Variants in TIMP3 observed in about 807,000 individuals in gnomAD.
TIMP3 encodes the protein metalloproteinase inhibitor 3.
In TIMP3, 11 loss-of-function variants were observed where a neutral mutation model predicts 30.0. That is an observed-to-expected ratio of 0.37 (90% confidence interval 0.23 to 0.61). The LOEUF (loss-of-function observed/expected upper bound fraction) is 0.61, where lower values mean the gene tolerates loss of function less well. Among genes scored for constraint, TIMP3 ranks in the 20% least tolerant of loss-of-function variants. TIMP3 has a pLI of 0.70. For synonymous variants in TIMP3, 112 were observed against 111.3 expected, an observed-to-expected ratio of 1.01 and a Z score of -0.04; for missense variants, 181 against 276.8, an observed-to-expected ratio of 0.65 and a Z score of 2.45.
At chr22:32,840,175 G>GT (rs1199334856) in intron 1 of TIMP3, among the ~76,000 whole-genome samples, 2 of 152,188 alleles carry the variant, frequency 1.3e-5, no homozygotes, top group Non-Finnish European at 2.9e-5. Context: ...CAGCTTTCCA[G>GT]ATTTTCTGAG....
chr22:32,827,805 G>T (rs1483911430), intron 1 of TIMP3, among the ~76,000 whole-genome samples: 1 of 152,110 alleles, frequency 6.6e-6, no homozygotes, highest in Non-Finnish European at 1.5e-5. Context: ...TTCCTCAAAT[G>T]CTCCAGGCTC....
intron 1 of TIMP3, among the ~76,000 whole-genome samples, chr22:32,817,956 A>G (rs2047131325): frequency 6.6e-6 from 1 of 152,182 alleles, no homozygotes; most frequent in African/African-American, 2.4e-5. Flanking sequence ...TAATCATTTT[A>G]CCGATAGGAG....
At chr22:32,848,274 C>T (rs753304356) in intron 1 of TIMP3, among the ~76,000 whole-genome samples, 1 of 152,174 alleles carries the variant, frequency 6.6e-6, no homozygotes, top group Admixed American at 6.5e-5. Context: ...CTAGTATCTA[C>T]TGGGTAAATC....
chr22:32,834,021 C>T (rs531860116), intron 1 of TIMP3, among the ~76,000 whole-genome samples: 202 of 152,220 alleles, frequency 1.3e-3, no homozygotes, highest in African/African-American at 4.6e-3. Context: ...TGTGTTCATC[C>T]CTGGTACTCT....
Position 32,802,088 on chromosome 22 carries a change from C to A in TIMP3, c.87C>A (p.Ser29Arg), listed in dbSNP as rs1181454731. 6.3e-7 allele frequency: 1 copy of A among 1,579,514 alleles called. No individual in the cohort carries two copies. Among genetic ancestry groups the A allele is most frequent in the Admixed American group, 1.8e-5 (1 of 56,218 alleles). ...WGAEACTCSP[S>R]HPQDAFCNSD... ...CCGAGGCGTGCACATGCTCGCCCAGCCACCCCCAGGACGCCTTCTGCAACT... is the reference window on the plus strand; with the variant it reads ...CCGAGGCGTGCACATGCTCGCCCAGACACCCCCAGGACGCCTTCTGCAACT... The change falls in exon 1 of 5, where the codon AGC becomes AGA. Residue 29 changes from serine (S) to arginine (R), a missense_variant. Physicochemically the swap from Ser to Arg is moderately radical, Grantham distance 110. This residue lies in a region of TIMP3 where 71 missense variants were observed against 79.7 expected (regional missense o/e 0.89). Transcript: ENST00000266085.
rs1601502195 is a variant in TIMP3 at position 32,837,517 on chromosome 22, G to A, written c.122-11935G>A. Among the ~76,000 whole-genome samples the A allele has an allele frequency of 1.3e-5, 2 of 152,190 alleles. No individual in the cohort carries two copies. The highest frequency in any genetic ancestry group is 4.8e-5 in the African/African-American group (2 of 41,442). ...CACTCCAAGAGGTGAAAGGGCTTGAGGGGAGACAGGGTACGGCGGGAGACA... is the reference window on the plus strand; with the variant it reads ...CACTCCAAGAGGTGAAAGGGCTTGAAGGGAGACAGGGTACGGCGGGAGACA... On this transcript the variant is annotated intron_variant, in intron 1 of 4. Transcript: ENST00000266085. The surrounding 1 kb of genome is among the most constrained non-coding windows in gnomAD (Gnocchi z 4.1).
chr22:32,843,374 G>A (rs1395198542), intron 1 of TIMP3, among the ~76,000 whole-genome samples: 1 of 152,238 alleles, frequency 6.6e-6, no homozygotes, highest in East Asian at 1.9e-4. Context: ...GCAGCTGGAA[G>A]AGTGAGAGAG....
chr22:32,818,809 G>T (rs143514005), intron 1 of TIMP3, among the ~76,000 whole-genome samples: 1 of 152,152 alleles, frequency 6.6e-6, no homozygotes, highest in Admixed American at 6.5e-5. Flanking sequence ...CAAGAGATTC[G>T]CAGGTAGGGC....
chr22:32,817,044 T>G (rs1406542188), intron 1 of TIMP3, among the ~76,000 whole-genome samples: 1 of 144,946 alleles, frequency 6.9e-6, no homozygotes, highest in Non-Finnish European at 1.5e-5. Flanking sequence ...ATAGTAAGAT[T>G]CCCTGTCTCT....
At position 32,802,084 on chromosome 22, in the gene TIMP3, C is replaced by T; in HGVS notation, c.83C>T (p.Pro28Leu). The change falls in exon 1 of 5, where the codon CCC becomes CTC. Residue 28 changes from proline to leucine, a missense_variant. Pro to Leu is a moderately conservative substitution (Grantham distance 98). Coordinates refer to ENST00000266085, the MANE Select transcript of TIMP3 (RefSeq NM_000362.5). ...DWGAEACTCSPSHPQDAFCNS... is the reference protein window; with the variant it reads ...DWGAEACTCSLSHPQDAFCNS... ...GGCGCCGAGGCGTGCACATGCTCGC[C>T]CAGCCACCCCCAGGACGCCTTCTGC... 1 of 1,578,148 alleles carries T rather than the reference C, an allele frequency of 6.3e-7. No individual in the cohort carries two copies. The highest frequency in any genetic ancestry group is 8.6e-7 in the Non-Finnish European group (1 of 1,167,070).
At chr22:32,803,925 C>G (rs184434211) in intron 1 of TIMP3, among the ~76,000 whole-genome samples, 2 of 152,270 alleles carry the variant, frequency 1.3e-5, no homozygotes, top group East Asian at 3.9e-4. Context: ...AAATTGACCA[C>G]GGAAAAGTGA....
In TIMP3 at chr22:32,807,387, TATATATAATATA is replaced by T. The variant is rs1348095239; in HGVS notation, c.121+5266_121+5277del. Among the ~76,000 whole-genome samples, 121 of 98,818 alleles carry T rather than the reference TATATATAATATA, an allele frequency of 1.2e-3. No individual in the cohort carries two copies. The South Asian group carries it at 0.016, about 13-fold the overall frequency. 64.8% of individuals were successfully genotyped at this position (98,818 alleles called of 152,430 possible). The stretch of plus-strand genomic sequence containing the variant: ...AATATATATTATATATAATATATAT[TATATATAATATA>T]TATATATTATATTTACATATATATT... On this transcript the variant is annotated intron_variant, in intron 1 of 4. Transcript: ENST00000266085.
At chr22:32,833,769 A>T in intron 1 of TIMP3, 1 of 497,406 alleles carries the variant, frequency 2.0e-6, no homozygotes, top group Non-Finnish European at 4.0e-6. Flanking sequence ...TTTCTAAAAG[A>T]TGGGCTAATG....
At chr22:32,839,386 C>T (rs1205177590) in intron 1 of TIMP3, among the ~76,000 whole-genome samples, 6 of 152,118 alleles carry the variant, frequency 3.9e-5, no homozygotes, top group Non-Finnish European at 8.8e-5. Context: ...CACCTGACAG[C>T]CATTTGCAGA....
rs1261092127 is a variant in TIMP3 at position 32,801,980 on chromosome 22, GGCAGCGGCGGCA to G, written c.-13_-2del. 6.3e-7 allele frequency: 1 copy of G among 1,580,498 alleles called. No individual in the cohort carries two copies. Among genetic ancestry groups the G allele is most frequent in the Non-Finnish European group, 8.5e-7 (1 of 1,170,602 alleles). On this transcript the variant is annotated 5_prime_UTR_variant, in exon 1 of 5. Coordinates refer to ENST00000266085, the MANE Select transcript of TIMP3 (RefSeq NM_000362.5). The surrounding 1 kb of genome is among the most constrained non-coding windows in gnomAD (Gnocchi z 4.7). Reference sequence around the variant, plus strand: ...CTTTGGAGAGGCGAGCAGCAGCCCCGGCAGCGGCGGCAGCAGCGGCAATGACCCCTTGGCTCG... The same window carrying G: ...CTTTGGAGAGGCGAGCAGCAGCCCCGGCAGCGGCAATGACCCCTTGGCTCG...
intron 1 of TIMP3, 36 bp from the exon 2 acceptor site, chr22:32,849,416 T>C (rs759565864): frequency 5.0e-6 from 8 of 1,600,566 alleles, no homozygotes; most frequent in South Asian, 2.2e-5. Flanking sequence ...GGTTCAGGCC[T>C]TCCTAACCTC....
chr22:32,828,129 C>T (rs1209460544), intron 1 of TIMP3, among the ~76,000 whole-genome samples: 1 of 152,240 alleles, frequency 6.6e-6, no homozygotes, highest in Non-Finnish European at 1.5e-5. Flanking sequence ...GAAACTCTAA[C>T]ATTTGTTAAA....
At chr22:32,822,824 T>A (rs989706322) in intron 1 of TIMP3, among the ~76,000 whole-genome samples, 3 of 151,794 alleles carry the variant, frequency 2.0e-5, no homozygotes, top group Admixed American at 6.6e-5. Context: ...AATGAAAGAG[T>A]CATAAAAGAT....
chr22:32,851,890 C>A (rs1017033352), intron 2 of TIMP3, among the ~76,000 whole-genome samples: 1 of 152,166 alleles, frequency 6.6e-6, no homozygotes, highest in African/African-American at 2.4e-5. Context: ...TAGGTACCAG[C>A]CTGCAAGTCA....
Sources: gnomAD v4.1 joint callset for allele counts (sites outside exome capture counted in the v4.1 genomes callset) on GRCh38, gnomAD v4.1.1 for gene constraint, gnomAD v4.1.1 regional missense constraint, Gnocchi (gnomAD v3.1) non-coding constraint, MANE v1.5 for transcripts, NCBI Gene and HGNC (gene_info 2026-07-23, HGNC 2026-07-21) for gene names.